The following CPQ variants were observed in gnomAD, a reference collection of about 807,000 sequenced individuals.
CPQ encodes the protein carboxypeptidase Q, also known as Ser-Met dipeptidase.
Under a neutral mutation model 45.7 loss-of-function variants are expected in CPQ, and 37 were observed. The ratio of observed to expected loss-of-function variants is 0.81; its 90% confidence interval spans 0.62 to 1.07. The LOEUF (loss-of-function observed/expected upper bound fraction) is 1.07. CPQ is among the 50% of genes least tolerant of loss of function. The pLI, the probability that CPQ is intolerant of heterozygous loss-of-function variation, is 0.00. For synonymous variants in CPQ, 186 were observed against 205.8 expected (o/e 0.90, Z 0.82); for missense variants, 537 against 572.9 (o/e 0.94, Z 0.64).
At chr8:96,782,290 C>T (rs564295466) in intron 1 of CPQ, among the ~76,000 whole-genome samples, 8 of 152,284 alleles carry the variant, frequency 5.3e-5, no homozygotes, top group South Asian at 2.1e-4. Flanking sequence ...GAATTGGCAC[C>T]GTGTGGATAC....
intron 1 of CPQ, among the ~76,000 whole-genome samples, chr8:96,774,975 G>A (rs1457782122): frequency 6.6e-6 from 1 of 152,168 alleles, no homozygotes; most frequent in Non-Finnish European, 1.5e-5. Flanking sequence ...AGGAAAGTTG[G>A]TGATGCTGGT....
chr8:96,775,960 AG>A lies in CPQ; in HGVS notation c.-34-8902del, dbSNP rs1222953964. On this transcript the variant is annotated intron_variant, in intron 1 of 7. Coordinates refer to ENST00000220763, the MANE Select transcript of CPQ (RefSeq NM_016134.4). ...CAAACAAAATGGAGGTTGGTTAGCA[AG>A]GAAAAGGGGGAATGGATATTGAATA... is the stretch of plus-strand genomic sequence containing the variant. 1.4e-4 allele frequency among the ~76,000 whole-genome samples: 21 copies of A among 152,350 alleles called. No individual in the cohort carries two copies. The East Asian group carries it at 2.9e-3, about 21-fold the overall frequency.
chr8:96,980,427 C>T (rs569787944), intron 5 of CPQ, among the ~76,000 whole-genome samples: 1 of 152,252 alleles, frequency 6.6e-6, no homozygotes, highest in Admixed American at 6.5e-5. Context: ...GCCACCGTGC[C>T]CAGCCTAAAT....
chr8:97,065,010 A>C (rs1810613993), intron 6 of CPQ, among the ~76,000 whole-genome samples: 1 of 152,194 alleles, frequency 6.6e-6, no homozygotes, highest in African/African-American at 2.4e-5. Context: ...AGAACACCAA[A>C]GGAGATTGCA....
chr8:96,809,615 AGGAAACTTTCTGAAGT>A, intron 2 of CPQ, among the ~76,000 whole-genome samples: 1 of 152,178 alleles, frequency 6.6e-6, no homozygotes, highest in Non-Finnish European at 1.5e-5. Context: ...AAGAGGTATG[AGGAAACTTTCTGAAGT>A]AATGGAAATA....
chr8:96,906,678 CT>C (rs980577006), intron 4 of CPQ, among the ~76,000 whole-genome samples: 1 of 152,166 alleles, frequency 6.6e-6, no homozygotes, highest in African/African-American at 2.4e-5. Flanking sequence ...ATAGATGGGG[CT>C]TTTTTGCTAT....
At chr8:96,705,705 C>T (rs1563474332) in intron 1 of CPQ, among the ~76,000 whole-genome samples, 1 of 152,024 alleles carries the variant, frequency 6.6e-6, no homozygotes, top group Non-Finnish European at 1.5e-5. Flanking sequence ...TCCTTCTATT[C>T]CCTCTCTCTT....
At chr8:97,062,092 TC>T (rs1261859045) in intron 6 of CPQ, among the ~76,000 whole-genome samples, 1 of 152,194 alleles carries the variant, frequency 6.6e-6, no homozygotes, top group Non-Finnish European at 1.5e-5. Context: ...AACTGTGAAG[TC>T]CCCTGTCCCT....
chr8:96,842,722 C>T (rs901498423), intron 3 of CPQ, among the ~76,000 whole-genome samples: 1 of 152,152 alleles, frequency 6.6e-6, no homozygotes, highest in Non-Finnish European at 1.5e-5. Flanking sequence ...CATGCTTCCT[C>T]ATAATGGATA....
rs538279223 is a variant in CPQ at position 97,122,655 on chromosome 8, G to T, written c.1256-20365G>T. 9.9e-5 allele frequency among the ~76,000 whole-genome samples: 15 copies of T among 152,008 alleles called. No homozygotes were observed. The South Asian group carries it at 2.7e-3, about 27-fold the overall frequency. ...AATCCCAGCACTTTGGGAGGCCAAGGCACGCGGATCATTGAGGTCCGGAGT... is the reference window on the plus strand; with the variant it reads ...AATCCCAGCACTTTGGGAGGCCAAGTCACGCGGATCATTGAGGTCCGGAGT... On this transcript the variant is annotated intron_variant, in intron 7 of 7. Transcript: ENST00000220763.
intron 5 of CPQ, among the ~76,000 whole-genome samples, chr8:96,974,510 C>T (rs548105973): frequency 1.3e-5 from 2 of 152,204 alleles, no homozygotes; most frequent in South Asian, 4.1e-4. Context: ...TGATACCCTA[C>T]AAGTGAACTT....
rs76892093 is a variant in CPQ at position 96,792,840 on chromosome 8, C to T, written c.433+7510C>T. ...ATACTAAGACAGGATAATTTATAGACGAAAGAGGTTTAATTGAATCACAGT... is the reference window on the plus strand; with the variant it reads ...ATACTAAGACAGGATAATTTATAGATGAAAGAGGTTTAATTGAATCACAGT... On this transcript the variant is annotated intron_variant, in intron 2 of 7. Coordinates refer to ENST00000220763, the MANE Select transcript of CPQ (RefSeq NM_016134.4). 6.3e-4 allele frequency among the ~76,000 whole-genome samples: 96 copies of T among 152,162 alleles called. 1 individual carries two copies. The East Asian group carries it at 0.015, about 23-fold the overall frequency.
At chr8:97,043,243 G>T (rs1040284642) in intron 6 of CPQ, among the ~76,000 whole-genome samples, 21 of 151,834 alleles carry the variant, frequency 1.4e-4, no homozygotes, top group Non-Finnish European at 2.9e-4. Context: ...TTATGTAATG[G>T]CCTTCTTTGT....
chr8:96,696,474 C>G (rs1809385783), intron 1 of CPQ, among the ~76,000 whole-genome samples: 1 of 150,420 alleles, frequency 6.6e-6, no homozygotes, highest in South Asian at 2.1e-4. Context: ...ACTAGAAAAG[C>G]AAGAGCAAAC....
chr8:96,848,469 G>A (rs181322152), intron 3 of CPQ, among the ~76,000 whole-genome samples: 13 of 152,296 alleles, frequency 8.5e-5, no homozygotes, highest in African/African-American at 2.9e-4. Flanking sequence ...TACCTATCAA[G>A]CTGCTGTACT....
At chr8:96,998,136 T>G (rs1809207867) in intron 5 of CPQ, among the ~76,000 whole-genome samples, 1 of 151,956 alleles carries the variant, frequency 6.6e-6, no homozygotes, top group Non-Finnish European at 1.5e-5. Context: ...TACGGTGGCA[T>G]GATTAAGACA....
At chr8:96,763,477 C>A (rs1229894896) in intron 1 of CPQ, among the ~76,000 whole-genome samples, 1 of 152,136 alleles carries the variant, frequency 6.6e-6, no homozygotes, top group Non-Finnish European at 1.5e-5. Flanking sequence ...ATCATACTGT[C>A]TGGATTACTT....
At chr8:97,104,528 A>G (rs1342893549) in intron 7 of CPQ, among the ~76,000 whole-genome samples, 3 of 152,226 alleles carry the variant, frequency 2.0e-5, no homozygotes, top group African/African-American at 7.2e-5. Flanking sequence ...GAAATTCCAG[A>G]CAAATACTGT....
intron 1 of CPQ, among the ~76,000 whole-genome samples, chr8:96,730,895 A>AT (rs34672701): frequency 2.8e-4 from 34 of 122,336 alleles, no homozygotes; most frequent in Admixed American, 2.0e-3. Context: ...ATATATATGC[A>AT]TTTTTTTTTA....
Sources: allele counts gnomAD v4.1 joint callset (sites outside exome capture counted in the v4.1 genomes callset), GRCh38; gene constraint gnomAD v4.1.1; transcripts MANE v1.5; gene names NCBI Gene and HGNC (gene_info 2026-07-23, HGNC 2026-07-21).